ERBB4: variants seen among roughly 807,000 people sequenced by gnomAD.
The protein encoded by ERBB4 is erb-b2 receptor tyrosine kinase 4.
Under a neutral mutation model 158.0 loss-of-function variants are expected in ERBB4, and 42 were observed. The observed-to-expected ratio is 0.27, with a 90% CI of 0.21 to 0.34. ERBB4 has a LOEUF of 0.34. Ranked by LOEUF, ERBB4 falls within the 10% of genes least tolerant of loss-of-function variation. The pLI, the probability that ERBB4 is intolerant of heterozygous loss-of-function variation, is 1.00. For missense variants in ERBB4, 1,333 were observed against 1,624.1 expected (o/e 0.82, Z 3.08); for synonymous variants, 583 against 558.7 (o/e 1.04, Z -0.61).
At chr2:211,510,408 C>G (rs544528620) in intron 20 of ERBB4, among the ~76,000 whole-genome samples, 68 of 152,162 alleles carry the variant, frequency 4.5e-4, no homozygotes, top group Admixed American at 1.4e-3. Context: ...AAGCCCAAAC[C>G]TCACCATTAC....
chr2:211,688,227 T>A (rs1048622946), intron 12 of ERBB4, among the ~76,000 whole-genome samples: 1 of 152,228 alleles, frequency 6.6e-6, no homozygotes, highest in Non-Finnish European at 1.5e-5. Context: ...TTCCATCTGG[T>A]ATTATTTCCT....
intron 1 of ERBB4, among the ~76,000 whole-genome samples, chr2:212,177,940 G>C (rs563929489): frequency 7.8e-6 from 1 of 127,464 alleles, no homozygotes; most frequent in African/African-American, 3.1e-5. Flanking sequence ...AAGAGTGTTT[G>C]TGAGTGTTTG....
At chr2:212,308,726 C>T (rs2086907623) in intron 1 of ERBB4, among the ~76,000 whole-genome samples, 1 of 150,874 alleles carries the variant, frequency 6.6e-6, no homozygotes, top group Admixed American at 6.6e-5. Flanking sequence ...TAATGAAACC[C>T]AGGCATGTAT....
intron 5 of ERBB4, among the ~76,000 whole-genome samples, chr2:211,738,846 T>C (rs1010871113): frequency 6.7e-6 from 1 of 149,636 alleles, no homozygotes; most frequent in African/African-American, 2.5e-5. Flanking sequence ...TTTGCATTTT[T>C]AGTAGACAGG....
At chr2:212,175,943 A>T (rs565313112) in intron 1 of ERBB4, among the ~76,000 whole-genome samples, 1 of 152,102 alleles carries the variant, frequency 6.6e-6, no homozygotes, top group South Asian at 2.1e-4. Context: ...GTCAAAACAC[A>T]AAGTTTCCTC....
At chr2:211,584,585 A>G (rs1476381648) in intron 19 of ERBB4, among the ~76,000 whole-genome samples, 1 of 152,080 alleles carries the variant, frequency 6.6e-6, no homozygotes, top group Admixed American at 6.5e-5. Context: ...TTTGAGTACT[A>G]GTTTTCTGTA....
At chr2:212,133,535 C>T (rs771186411) in intron 1 of ERBB4, among the ~76,000 whole-genome samples, 1 of 150,812 alleles carries the variant, frequency 6.6e-6, no homozygotes, top group East Asian at 1.9e-4. Flanking sequence ...CTCAGCACCT[C>T]GGAAAGCAGG....
At chr2:211,890,431 G>T (rs1217222240) in intron 3 of ERBB4, among the ~76,000 whole-genome samples, 64 of 151,010 alleles carry the variant, frequency 4.2e-4, no homozygotes, top group Non-Finnish European at 7.4e-5. Context: ...GGAACAACTG[G>T]TACCAGCCGC....
chr2:212,160,644 G>A (rs2081175775), intron 1 of ERBB4, among the ~76,000 whole-genome samples: 1 of 151,968 alleles, frequency 6.6e-6, no homozygotes, highest in Admixed American at 6.6e-5. Context: ...GAAGAGGGAT[G>A]TGCATCCAAT....
rs540766863 is a variant in ERBB4, at chr2:211,863,528, G to A, written c.422-75369C>T. On this transcript the variant is annotated intron_variant, in intron 3 of 27. Coordinates refer to ENST00000342788, the MANE Select transcript of ERBB4 (RefSeq NM_005235.3). ...CTGCGGCTTCATTCCTGAAGTCAGC[G>A]AAACTAAGAACCCACTGGGAGGAAC... is the stretch of plus-strand genomic sequence containing the variant. Among the ~76,000 whole-genome samples, 24 of 152,192 alleles carry A rather than the reference G, an allele frequency of 1.6e-4. No individual in the cohort carries two copies. In the South Asian group the frequency reaches 4.1e-3, roughly 26 times the overall value.
chr2:212,191,982 G>A (rs1437505314), intron 1 of ERBB4, among the ~76,000 whole-genome samples: 5 of 88,934 alleles, frequency 5.6e-5, no homozygotes, highest in African/African-American at 2.1e-4. Context: ...TGTTATATAT[G>A]TTATATGTTA....
intron 1 of ERBB4, among the ~76,000 whole-genome samples, chr2:212,423,143 T>G (rs953129881): frequency 1.3e-5 from 2 of 152,102 alleles, no homozygotes; most frequent in Admixed American, 6.6e-5. Flanking sequence ...CTATGACACT[T>G]AAGTATATAG....
At chr2:212,092,444 A>G (rs2078806916) in intron 2 of ERBB4, among the ~76,000 whole-genome samples, 1 of 152,314 alleles carries the variant, frequency 6.6e-6, no homozygotes, top group East Asian at 1.9e-4. Flanking sequence ...GTTCATATCA[A>G]GAAAACCAGA....
At chr2:212,204,241 T>C (rs562098256) in intron 1 of ERBB4, among the ~76,000 whole-genome samples, 1 of 152,340 alleles carries the variant, frequency 6.6e-6, no homozygotes, top group South Asian at 2.1e-4. Context: ...ACATTGCTAA[T>C]TGGAGATTGG....
intron 2 of ERBB4, among the ~76,000 whole-genome samples, chr2:212,031,779 C>T (rs377193989): frequency 1.2e-4 from 18 of 152,156 alleles, no homozygotes; most frequent in Middle Eastern, 3.4e-3. Context: ...TGATGGCTGA[C>T]GATATGTATC....
At chr2:211,621,820 C>T (rs887957469) in intron 18 of ERBB4, among the ~76,000 whole-genome samples, 9 of 151,910 alleles carry the variant, frequency 5.9e-5, no homozygotes, top group African/African-American at 1.9e-4. Flanking sequence ...ATAAATTTGC[C>T]TACTTGCTTT....
At chr2:212,197,252 TA>T (rs1235109816) in intron 1 of ERBB4, among the ~76,000 whole-genome samples, 3 of 152,152 alleles carry the variant, frequency 2.0e-5, no homozygotes, top group African/African-American at 7.2e-5. Flanking sequence ...TATTATACAA[TA>T]AAACTTATGA....
intron 1 of ERBB4, among the ~76,000 whole-genome samples, chr2:212,169,136 A>G (rs115610836): frequency 0.028 from 4,300 of 152,274 alleles, 97 homozygotes; most frequent in Non-Finnish European, 0.047. Context: ...TTAAGTTCAC[A>G]TACTGTTTGA....
intron 1 of ERBB4, among the ~76,000 whole-genome samples, chr2:212,158,427 G>A (rs1184564649): frequency 6.6e-6 from 1 of 151,878 alleles, no homozygotes; most frequent in Non-Finnish European, 1.5e-5. Flanking sequence ...CCTCTGTGAA[G>A]TGCACATATT....
Sources: allele counts gnomAD v4.1 joint callset (sites outside exome capture counted in the v4.1 genomes callset), GRCh38; gene constraint gnomAD v4.1.1; transcripts MANE v1.5; gene names NCBI Gene and HGNC (gene_info 2026-07-23, HGNC 2026-07-21).